The following PCDHGB6 variants were observed in gnomAD, a reference collection of about 807,000 sequenced individuals.
PCDHGB6 encodes the protein protocadherin gamma subfamily B, 6, also known as protocadherin gamma-B6.
Under a neutral mutation model 59.1 loss-of-function variants are expected in PCDHGB6, and 51 were observed. That is an observed-to-expected ratio of 0.86 (90% CI 0.69 to 1.09). The LOEUF is 1.09. PCDHGB6 is among the 50% of genes least tolerant of loss of function. The pLI, the probability that PCDHGB6 is intolerant of heterozygous loss-of-function variation, is 0.00. For missense variants in PCDHGB6, 1,148 were observed against 1,205.1 expected, an observed-to-expected ratio of 0.95 and a Z score of 0.70; for synonymous variants, 466 against 495.1, an observed-to-expected ratio of 0.94 and a Z score of 0.78.
rs983317324 is a variant in PCDHGB6, at chr5:141,431,891, G to A, written c.2418+21271G>A. The stretch of plus-strand genomic sequence containing the variant: ...AAATGTAAATGACCAAGATTCTGAG[G>A]AAAACGGACAGGTGATCTGTTTCAT... On this transcript the variant is annotated intron_variant, in intron 1 of 3. Transcript: ENST00000520790. The surrounding 1 kb of genome is among the most constrained non-coding windows in gnomAD (Gnocchi z 4.8). 16 of 1,614,072 alleles carry A rather than the reference G, an allele frequency of 9.9e-6. No homozygotes were observed. The highest frequency in any genetic ancestry group is 2.7e-5 in the African/African-American group (2 of 74,934).
Position 141,487,171 on chromosome 5 carries a change from G to C in PCDHGB6, c.2419-7636G>C. ...CTGTTACTCTCTTAGTGTCCTTAGA[G>C]GAAGACACTCATCCAGTTGTCCCAG... On this transcript the variant is annotated intron_variant, in intron 1 of 3. Transcript: ENST00000520790. The surrounding 1 kb of genome is among the most constrained non-coding windows in gnomAD (Gnocchi z 5.0). 1 of 1,612,938 alleles carries C rather than the reference G, an allele frequency of 6.2e-7. No individual in the cohort carries two copies. Among genetic ancestry groups the C allele is most frequent in the Non-Finnish European group, 8.5e-7 (1 of 1,178,910 alleles).
At position 141,476,124 on chromosome 5, in the gene PCDHGB6, C is replaced by T. The variant is rs1187643558; in HGVS notation, c.2419-18683C>T. 4 of 1,603,236 alleles carry T rather than the reference C, an allele frequency of 2.5e-6. No homozygotes were observed. Among genetic ancestry groups the T allele is most frequent in the Non-Finnish European group, 3.4e-6 (4 of 1,176,388 alleles). ...GAACTGCTTTTGAGTGAGATGGTCCCAGAGGCCTGGAGGAGCGGACTGGTA... is the reference window on the plus strand; with the variant it reads ...GAACTGCTTTTGAGTGAGATGGTCCTAGAGGCCTGGAGGAGCGGACTGGTA... On this transcript the variant is annotated intron_variant, in intron 1 of 3. Transcript: ENST00000520790. This position sits in a 1 kb window ranked among gnomAD's most constrained non-coding sequence, Gnocchi z 7.6.
At chr5:141,433,208 CTTT>C (rs745329085) in intron 1 of PCDHGB6, 6 of 1,292,918 alleles carry the variant, frequency 4.6e-6, no homozygotes, top group East Asian at 2.6e-5. Flanking sequence ...AATCTTCTTT[CTTT>C]TTTTTTTTTA....
At chr5:141,421,520 A>G (rs749034718) in intron 1 of PCDHGB6, 2 of 1,614,068 alleles carry the variant, frequency 1.2e-6, no homozygotes, top group Non-Finnish European at 8.5e-7. Flanking sequence ...GAGCTCTGTG[A>G]GACGGTGTCC....
chr5:141,477,351 G>A lies in PCDHGB6; in HGVS notation c.2419-17456G>A. 6.2e-7 allele frequency: 1 copy of A among 1,614,126 alleles called. No homozygotes were observed. The highest frequency in any genetic ancestry group is 8.5e-7 in the Non-Finnish European group (1 of 1,180,018). On this transcript the variant is annotated intron_variant, in intron 1 of 3. Transcript: ENST00000520790. This position sits in a 1 kb window ranked among gnomAD's most constrained non-coding sequence, Gnocchi z 4.9. ...AAGAATTACTTCACTTTGAAAACCA[G>A]TGCAGACCTGGATCGGGAGACTGTG...
intron 1 of PCDHGB6, among the ~76,000 whole-genome samples, chr5:141,452,476 C>T (rs968627914): frequency 6.6e-6 from 1 of 152,216 alleles, no homozygotes; most frequent in Admixed American, 6.5e-5. Context: ...AGGAAAAACA[C>T]ACATAAACAC....
chr5:141,477,874 T>G lies in PCDHGB6; in HGVS notation c.2419-16933T>G. On this transcript the variant is annotated intron_variant, in intron 1 of 3. Coordinates refer to ENST00000520790, the MANE Select transcript of PCDHGB6 (RefSeq NM_018926.3). This position sits in a 1 kb window ranked among gnomAD's most constrained non-coding sequence, Gnocchi z 4.9. ...AGATGCTGCCTCGAGGTACCTCAGC[T>G]GGCCACCTAGTGTCACGGGTGGTAG... 1 of 1,614,176 alleles carries G rather than the reference T, an allele frequency of 6.2e-7. No individual in the cohort carries two copies. The highest frequency in any genetic ancestry group is 8.5e-7 in the Non-Finnish European group (1 of 1,180,028).
Position 141,491,382 on chromosome 5 carries a change from G to T in PCDHGB6, c.2419-3425G>T, listed in dbSNP as rs918558. 0.21 allele frequency: 331,798 copies of T among 1,613,774 alleles called. 36,318 individuals are homozygous for T. The highest frequency in any genetic ancestry group is 0.37 in the Admixed American group (22,359 of 60,012). ...TAGTCACCTTCACCTTTCTGTCAGC[G>T]AAGTGCCTTCAGGGAAACGCAGACG... is the stretch of plus-strand genomic sequence containing the variant. On this transcript the variant is annotated intron_variant, in intron 1 of 3. Transcript: ENST00000520790. This position sits in a 1 kb window ranked among gnomAD's most constrained non-coding sequence, Gnocchi z 6.9.
chr5:141,410,090 C>G lies in PCDHGB6; in HGVS notation c.1888C>G (p.Arg630Gly), dbSNP rs369832481. 3 of 1,612,358 alleles carry G rather than the reference C, an allele frequency of 1.9e-6. No homozygotes were observed. The highest frequency in any genetic ancestry group is 2.2e-5 in the South Asian group (2 of 91,012). ...GLRTGEVRTA[R>G]ALGDRDAARQ... is the part of the protein sequence containing the mutation. ...GCGCACTGGGGAGGTGCGCACGGCT[C>G]GAGCCTTAGGCGACAGGGACGCAGC... The change falls in exon 1 of 4, where the codon CGA becomes GGA. Residue 630 changes from arginine to glycine, a missense_variant. Physicochemically the swap from Arg to Gly is moderately radical, Grantham distance 125. This residue lies in a region of PCDHGB6 where 549 missense variants were observed against 527.5 expected (regional missense o/e 1.04). Transcript: ENST00000520790.
rs367744321 is a variant in PCDHGB6, at chr5:141,489,394, C to G, written c.2419-5413C>G. The G allele has an allele frequency of 3.7e-6, 6 of 1,614,008 alleles. No individual in the cohort carries two copies. In the African/African-American group the frequency reaches 6.7e-5, roughly 18 times the overall value. On this transcript the variant is annotated intron_variant, in intron 1 of 3. Transcript: ENST00000520790. The surrounding 1 kb of genome is among the most constrained non-coding windows in gnomAD (Gnocchi z 4.5). ...GCTGGTGGGGAATGTTGCTCAGGATCTGGGCTTAAAGATGACAGATCTGTT... is the reference window on the plus strand; with the variant it reads ...GCTGGTGGGGAATGTTGCTCAGGATGTGGGCTTAAAGATGACAGATCTGTT...
chr5:141,423,757 G>GGC, intron 1 of PCDHGB6: 1 of 395,122 alleles, frequency 2.5e-6, no homozygotes, highest in East Asian at 1.5e-4. Context: ...GTTTGGGGGG[G>GGC]GGGTGGGGCG....
intron 1 of PCDHGB6, among the ~76,000 whole-genome samples, chr5:141,448,086 T>TA (rs558292628): frequency 0.011 from 1,579 of 146,268 alleles, 11 homozygotes; most frequent in Non-Finnish European, 0.016. Context: ...AATGCCATCT[T>TA]AAAAAAAAAA....
intron 1 of PCDHGB6, chr5:141,415,488 C>T: frequency 1.9e-6 from 3 of 1,614,220 alleles, no homozygotes; most frequent in Non-Finnish European, 2.5e-6. Context: ...GAAAGAGTCA[C>T]CTGATCTTCC....
At chr5:141,456,306 G>C (rs937409031) in intron 1 of PCDHGB6, among the ~76,000 whole-genome samples, 1 of 152,158 alleles carries the variant, frequency 6.6e-6, no homozygotes, top group Non-Finnish European at 1.5e-5. Context: ...GAGAACAGCA[G>C]CTAGGGCTCC....
chr5:141,490,605 C>A lies in PCDHGB6; in HGVS notation c.2419-4202C>A. On this transcript the variant is annotated intron_variant, in intron 1 of 3. Transcript: ENST00000520790. The surrounding 1 kb of genome is among the most constrained non-coding windows in gnomAD (Gnocchi z 5.4). ...TCAATGACAATGCACCCCGCTTCAA[C>A]CAGCAGCTTTACACTGCTTACATCC... 6.2e-6 allele frequency: 10 copies of A among 1,614,198 alleles called. No individual in the cohort carries two copies. The highest frequency in any genetic ancestry group is 8.5e-6 in the Non-Finnish European group (10 of 1,180,030).
intron 1 of PCDHGB6, chr5:141,420,300 C>T (rs773892933): frequency 1.6e-5 from 24 of 1,467,248 alleles, no homozygotes; most frequent in African/African-American, 2.8e-5. Context: ...TGTATTTAAT[C>T]CTTTTTATAT....
At chr5:141,437,826 CT>C (rs1263000808) in intron 1 of PCDHGB6, among the ~76,000 whole-genome samples, 5 of 151,936 alleles carry the variant, frequency 3.3e-5, no homozygotes, top group African/African-American at 1.2e-4. Flanking sequence ...CAACCTCTGC[CT>C]CCTGGGTTCA....
intron 1 of PCDHGB6, among the ~76,000 whole-genome samples, chr5:141,453,679 T>C (rs960698192): frequency 2.0e-5 from 3 of 152,230 alleles, no homozygotes; most frequent in Non-Finnish European, 2.9e-5. Context: ...GGTAACACAC[T>C]ATGTAGGTAG....
chr5:141,497,125 G>A (rs968031174), intron 2 of PCDHGB6, among the ~76,000 whole-genome samples: 1 of 152,094 alleles, frequency 6.6e-6, no homozygotes, highest in South Asian at 2.1e-4. Context: ...GGCAGAGGTT[G>A]CAGTGAGCTG....
Sources: allele counts gnomAD v4.1 joint callset (sites outside exome capture counted in the v4.1 genomes callset), GRCh38; gene constraint gnomAD v4.1.1; regional missense constraint gnomAD v4.1.1; non-coding constraint Gnocchi (gnomAD v3.1); transcripts MANE v1.5; gene names NCBI Gene and HGNC (gene_info 2026-07-23, HGNC 2026-07-21).